VAV2: variants seen among roughly 807,000 people sequenced by gnomAD.
VAV2 encodes the protein vav guanine nucleotide exchange factor 2.
A neutral mutation model predicts 132.5 loss-of-function variants in VAV2; 67 were observed. That is an observed-to-expected ratio of 0.51 (90% CI 0.42 to 0.62). VAV2 has a LOEUF of 0.62. Among genes scored for constraint, VAV2 ranks in the 20% least tolerant of loss-of-function variants. The pLI is 0.00. For synonymous variants in VAV2, 492 were observed against 443.5 expected (o/e 1.11, Z -1.37); for missense variants, 938 against 1,153.6 (o/e 0.81, Z 2.71).
chr9:133,775,179 T>C (rs1322799893), intron 24 of VAV2, 128 bp from the exon 25 acceptor site: 9 of 755,660 alleles, frequency 1.2e-5, no homozygotes, highest in South Asian at 5.5e-5. Flanking sequence ...CATCTCCTAA[T>C]GAACCCAAGA....
chr9:133,983,382 C>T (rs976714871), intron 1 of VAV2, among the ~76,000 whole-genome samples: 3 of 152,178 alleles, frequency 2.0e-5, no homozygotes, highest in African/African-American at 4.8e-5. Context: ...TCATGACCTG[C>T]GCCCCATAGC....
intron 2 of VAV2, among the ~76,000 whole-genome samples, chr9:133,913,052 C>T (rs1008886234): frequency 2.0e-5 from 3 of 152,216 alleles, no homozygotes; most frequent in Admixed American, 1.3e-4. Context: ...CCGTGCAAAC[C>T]TCACCTCACT....
At chr9:133,920,948 G>A (rs1840276375) in intron 2 of VAV2, among the ~76,000 whole-genome samples, 1 of 152,222 alleles carries the variant, frequency 6.6e-6, no homozygotes, top group Non-Finnish European at 1.5e-5. Context: ...CTCCGTGGGG[G>A]GCCCTGCTAT....
chr9:133,968,950 T>A (rs1364043097), intron 1 of VAV2, among the ~76,000 whole-genome samples: 1 of 152,124 alleles, frequency 6.6e-6, no homozygotes, highest in East Asian at 1.9e-4. Context: ...TAGCAATAAG[T>A]GAGTCCCCCA....
Position 133,885,187 on chromosome 9 carries a change from T to C in VAV2, c.322-23755A>G, listed in dbSNP as rs1838653845. The stretch of plus-strand genomic sequence containing the variant: ...CTTCATTTGCTCCAGTGTCCTGCGA[T>C]TGATTCTTCTGAACTTCTGAGCCCA... On this transcript the variant is annotated intron_variant, in intron 2 of 29. Transcript: ENST00000371850. The surrounding 1 kb of genome is among the most constrained non-coding windows in gnomAD (Gnocchi z 5.0). Among the ~76,000 whole-genome samples, 1 of 152,342 alleles carries C rather than the reference T, an allele frequency of 6.6e-6. No homozygotes were observed. Among genetic ancestry groups the C allele is most frequent in the Non-Finnish European group, 1.5e-5 (1 of 68,028 alleles).
intron 4 of VAV2, among the ~76,000 whole-genome samples, chr9:133,829,504 T>C (rs920779082): frequency 2.0e-5 from 3 of 152,222 alleles, no homozygotes; most frequent in African/African-American, 7.2e-5. Flanking sequence ...TGCGCCCAAG[T>C]GCGAGCTCCA....
intron 2 of VAV2, among the ~76,000 whole-genome samples, chr9:133,877,828 T>C (rs1473045060): frequency 6.6e-6 from 1 of 151,544 alleles, no homozygotes; most frequent in Non-Finnish European, 1.5e-5. Context: ...TCTCTAACAC[T>C]ACGGCAATAA....
rs758047902 is a variant in VAV2, at chr9:133,833,765, G to A, written c.449+507C>T. ...TCAGAGAGAGGAATGAGGTGGACACGGAGAAGAGCAGAGGCGGGTCCACCG... is the reference window on the plus strand; with the variant it reads ...TCAGAGAGAGGAATGAGGTGGACACAGAGAAGAGCAGAGGCGGGTCCACCG... On this transcript the variant is annotated intron_variant, in intron 4 of 29. Transcript: ENST00000371850. The surrounding 1 kb of genome is among the most constrained non-coding windows in gnomAD (Gnocchi z 5.6). Among the ~76,000 whole-genome samples, 3 of 152,162 alleles carry A rather than the reference G, an allele frequency of 2.0e-5. No homozygotes were observed. The highest frequency in any genetic ancestry group is 2.9e-5 in the Non-Finnish European group (2 of 68,014).
intron 2 of VAV2, among the ~76,000 whole-genome samples, chr9:133,907,870 TTACCGCCCTCCCC>T (rs1839723009): frequency 1.7e-5 from 2 of 115,824 alleles, no homozygotes; most frequent in African/African-American, 6.4e-5. Flanking sequence ...CCCCTTTCCT[TTACCGCCCTCCCC>T]CAGAGAGTGG....
At chr9:133,865,243 G>C (rs1368292217) in intron 2 of VAV2, among the ~76,000 whole-genome samples, 1 of 152,210 alleles carries the variant, frequency 6.6e-6, no homozygotes, top group Non-Finnish European at 1.5e-5. Flanking sequence ...AGGAAACGTA[G>C]ACTGCGGATT....
rs1834645226 is a variant in VAV2, at chr9:133,794,895, C to T, written c.1101+773G>A. On this transcript the variant is annotated intron_variant, in intron 12 of 29. Coordinates refer to ENST00000371850, the MANE Select transcript of VAV2 (RefSeq NM_001134398.2). The surrounding 1 kb of genome is among the most constrained non-coding windows in gnomAD (Gnocchi z 4.6). ...GAAGCCAGTTCCCTGAGGACAGAAC[C>T]CAGTGGGGGGCGATCCTCCCTGGAA... is the stretch of plus-strand genomic sequence containing the variant. 6.6e-6 allele frequency among the ~76,000 whole-genome samples: 1 copy of T among 152,192 alleles called. No individual in the cohort carries two copies. The highest frequency in any genetic ancestry group is 1.5e-5 in the Non-Finnish European group (1 of 68,034).
At chr9:133,890,305 G>A (rs1468069747) in intron 2 of VAV2, among the ~76,000 whole-genome samples, 1 of 152,246 alleles carries the variant, frequency 6.6e-6, no homozygotes, top group Non-Finnish European at 1.5e-5. Context: ...GCCTGTCACA[G>A]AGGGACTGAC....
At chr9:133,972,424 A>T (rs994098230) in intron 1 of VAV2, among the ~76,000 whole-genome samples, 1 of 152,230 alleles carries the variant, frequency 6.6e-6, no homozygotes, top group South Asian at 2.1e-4. Context: ...CTGCGTCATT[A>T]GCTAATGCAG....
At chr9:133,867,851 T>G (rs1195349564) in intron 2 of VAV2, among the ~76,000 whole-genome samples, 1 of 152,244 alleles carries the variant, frequency 6.6e-6, no homozygotes, top group African/African-American at 2.4e-5. Flanking sequence ...GCGGTCCACC[T>G]GGCGCCGGCT....
chr9:133,785,188 C>G (rs1053514217), intron 17 of VAV2, among the ~76,000 whole-genome samples: 1 of 152,132 alleles, frequency 6.6e-6, no homozygotes. Flanking sequence ...CCAGAAGAAA[C>G]GGTCAGAGAG....
intron 1 of VAV2, among the ~76,000 whole-genome samples, chr9:133,947,608 A>C (rs1841407501): frequency 6.6e-6 from 1 of 151,704 alleles, no homozygotes; most frequent in Non-Finnish European, 1.5e-5. Flanking sequence ...CTGAGGCAGA[A>C]GAATCGATTG....
chr9:133,958,479 T>TATGATGCAAAGACAAA (rs1841862200), intron 1 of VAV2, among the ~76,000 whole-genome samples: 3 of 150,744 alleles, frequency 2.0e-5, no homozygotes, highest in African/African-American at 7.3e-5. Context: ...AGATCTTTGT[T>TATGATGCAAAGACAAA]CACGTGTTTG....
intron 23 of VAV2, 41 bp downstream of exon 23, chr9:133,777,348 A>G: frequency 1.2e-6 from 2 of 1,605,704 alleles, no homozygotes; most frequent in Non-Finnish European, 1.7e-6. Context: ...CTCAGCACCC[A>G]GGCCACCGTG....
At chr9:133,956,125 C>T (rs1479182202) in intron 1 of VAV2, among the ~76,000 whole-genome samples, 1 of 152,092 alleles carries the variant, frequency 6.6e-6, no homozygotes, top group Non-Finnish European at 1.5e-5. Flanking sequence ...TTCCCCAACC[C>T]AGTGGCTCTG....
Sources: gnomAD v4.1 joint callset for allele counts (sites outside exome capture counted in the v4.1 genomes callset) on GRCh38, gnomAD v4.1.1 for gene constraint, Gnocchi (gnomAD v3.1) non-coding constraint, MANE v1.5 for transcripts, NCBI Gene and HGNC (gene_info 2026-07-23, HGNC 2026-07-21) for gene names.